Variants in STK11IP observed in about 807,000 individuals in gnomAD.
STK11IP encodes the protein serine/threonine-protein kinase 11-interacting protein.
STK11IP carries 103 observed loss-of-function variants against 131.7 expected under a neutral mutation model. That is an observed-to-expected ratio of 0.78 (90% CI 0.67 to 0.92). STK11IP has a LOEUF of 0.92. STK11IP is among the 40% of genes least tolerant of loss of function. The pLI is 0.00. For synonymous variants in STK11IP, 557 were observed against 575.6 expected (o/e 0.97, Z 0.46); for missense variants, 1,315 against 1,385.7 (o/e 0.95, Z 0.81).
rs571261282 is a variant in STK11IP, at chr2:219,604,907, G to A, written c.619-701G>A. 4.9e-3 allele frequency among the ~76,000 whole-genome samples: 741 copies of A among 151,940 alleles called. 4 individuals carry two copies. The highest frequency in any genetic ancestry group is 8.3e-3 in the Non-Finnish European group (561 of 67,974). Reference sequence around the variant, plus strand: ...TGCAATGGCACGATCTTGGCTCACCGTAACCTCTGCCTCCCGGGTTCAAGC... The same window carrying A: ...TGCAATGGCACGATCTTGGCTCACCATAACCTCTGCCTCCCGGGTTCAAGC... On this transcript the variant is annotated intron_variant, in intron 7 of 24. Transcript: ENST00000456909.
At chr2:219,610,046 A>G (rs1473507276) in intron 17 of STK11IP, 1 of 165,292 alleles carries the variant, frequency 6.0e-6, no homozygotes, top group Non-Finnish European at 1.3e-5. Context: ...AGTCCTTAAA[A>G]CAAGAATTGT....
chr2:219,605,772 A>G lies in STK11IP; in HGVS notation c.745+38A>G, dbSNP rs1465519325. 3 of 1,586,418 alleles carry G rather than the reference A, an allele frequency of 1.9e-6. No homozygotes were observed. The South Asian group carries it at 3.4e-5, about 18-fold the overall frequency. ...GTGTGATGGGGCAAGCATGGAGGGG[A>G]AGGGGGAGAGTGAGGCTGGGGCTGG... On this transcript the variant is annotated intron_variant, in intron 8 of 24. Coordinates refer to ENST00000456909, the MANE Select transcript of STK11IP (RefSeq NM_052902.4).
intron 16 of STK11IP, 42 bp from the exon 17 acceptor site, chr2:219,609,321 G>C (rs577658833): frequency 1.9e-6 from 3 of 1,604,576 alleles, no homozygotes; most frequent in Non-Finnish European, 2.6e-6. Context: ...GTCCGTCTGG[G>C]GTCCGCCTGC....
intron 12 of STK11IP, 52 bp from the exon 13 acceptor site, chr2:219,607,001 G>T: frequency 6.2e-7 from 1 of 1,608,118 alleles, no homozygotes; most frequent in Non-Finnish European, 8.5e-7. Context: ...GCCGTGGATG[G>T]CAGGGCTGGA....
intron 13 of STK11IP, among the ~76,000 whole-genome samples, chr2:219,607,816 T>C (rs1011047461): frequency 6.6e-6 from 1 of 152,196 alleles, no homozygotes; most frequent in African/African-American, 2.4e-5. Flanking sequence ...TGCTATCATG[T>C]ATGCTGAGTC....
At position 219,608,370 on chromosome 2, in the gene STK11IP, CAG is replaced by C. The variant is rs768050647; in HGVS notation, c.1544_1545del (p.Gln515ArgfsTer35). On this transcript the variant is annotated frameshift_variant, in exon 14 of 25. Coordinates refer to ENST00000456909, the MANE Select transcript of STK11IP (RefSeq NM_052902.4). LOFTEE classifies it high-confidence loss of function. ...EEKEEGEMVE[Q>X]GEEEAGEEEE... is the part of the protein sequence containing the mutation. ...GAAGGAGGAGGGGGAGATGGTGGAACAGGGAGAAGAGGAGGCAGGAGAGGAGG... is the reference window on the plus strand; with the variant it reads ...GAAGGAGGAGGGGGAGATGGTGGAACGGAGAAGAGGAGGCAGGAGAGGAGG... The C allele has an allele frequency of 5.1e-6, 8 of 1,580,714 alleles. No homozygotes were observed. Among genetic ancestry groups the C allele is most frequent in the Non-Finnish European group, 8.6e-7 (1 of 1,163,640 alleles).
chr2:219,615,344 G>A lies in STK11IP; in HGVS notation c.3117+3G>A. On this transcript the variant is annotated splice_donor_region_variant and intron_variant, in intron 24 of 24. Transcript: ENST00000456909. The stretch of plus-strand genomic sequence containing the variant: ...TGCGGCTGCTCTTCTACGATGAGGT[G>A]TGTATGTGTATCTCCAGTGAGAGGG... The A allele has an allele frequency of 1.3e-6, 2 of 1,594,672 alleles. No individual in the cohort carries two copies. Among genetic ancestry groups the A allele is most frequent in the Non-Finnish European group, 1.7e-6 (2 of 1,174,366 alleles).
intron 7 of STK11IP, 31 bp downstream of exon 7, chr2:219,602,807 C>G: frequency 1.3e-6 from 2 of 1,589,700 alleles, no homozygotes; most frequent in Non-Finnish European, 1.7e-6. Flanking sequence ...AGCTGGCACA[C>G]CATGGGTCTT....
intron 21 of STK11IP, 85 bp downstream of exon 21, chr2:219,614,015 G>GC: frequency 6.7e-7 from 1 of 1,501,318 alleles, no homozygotes; most frequent in South Asian, 1.3e-5. Flanking sequence ...GTACCCAGTA[G>GC]CGGAGACAGA....
In STK11IP at chr2:219,601,450, G is replaced by A; in HGVS notation, c.267+10G>A. 6.2e-7 allele frequency: 1 copy of A among 1,613,852 alleles called. No homozygotes were observed. The highest frequency in any genetic ancestry group is 8.5e-7 in the Non-Finnish European group (1 of 1,179,794). On this transcript the variant is annotated intron_variant, in intron 3 of 24. Coordinates refer to ENST00000456909, the MANE Select transcript of STK11IP (RefSeq NM_052902.4). ...AACACTTTCACTCAAGGTTCTGGGT[G>A]TGGGGAAGAGGCAGGATGTGCAAGG...
Position 219,609,560 on chromosome 2 carries a change from C to G in STK11IP, c.2104+20C>G. ...AGACAGGTACAAGTCCTGCCCTTGA[C>G]CTCTCTGCCCACACGCCTCCCCTGT... On this transcript the variant is annotated intron_variant, in intron 17 of 24. Coordinates refer to ENST00000456909, the MANE Select transcript of STK11IP (RefSeq NM_052902.4). The G allele has an allele frequency of 6.4e-7, 1 of 1,552,872 alleles. No individual in the cohort carries two copies. Among genetic ancestry groups the G allele is most frequent in the African/African-American group, 1.4e-5 (1 of 73,318 alleles).
chr2:219,615,697 C>T (rs1366128634), intron 24 of STK11IP: 4 of 639,848 alleles, frequency 6.3e-6, no homozygotes, highest in Non-Finnish European at 1.2e-5. Flanking sequence ...GTTACTGGTC[C>T]TATTTACAGG....
rs748662040 is a variant in STK11IP, at chr2:219,602,693, C to G, written c.547-12C>G. 1 of 1,613,544 alleles carries G rather than the reference C, an allele frequency of 6.2e-7. No individual in the cohort carries two copies. The highest frequency in any genetic ancestry group is 2.2e-5 in the East Asian group (1 of 44,884). On this transcript the variant is annotated splice_polypyrimidine_tract_variant and intron_variant, in intron 6 of 24. Transcript: ENST00000456909. ...GAACATCGATTCTCTGCCTCCTCCCCGTCTCTCTCAGCGCCTCTTGTCAGC... is the reference window on the plus strand; with the variant it reads ...GAACATCGATTCTCTGCCTCCTCCCGGTCTCTCTCAGCGCCTCTTGTCAGC...
chr2:219,609,727 A>G (rs1057481110), intron 17 of STK11IP, 187 bp downstream of exon 17: 3 of 658,570 alleles, frequency 4.6e-6, no homozygotes, highest in Non-Finnish European at 5.0e-6. Context: ...ACAGAAAAAA[A>G]GAAGAAACTA....
At chr2:219,600,056 TTTG>T in intron 2 of STK11IP, among the ~76,000 whole-genome samples, 2 of 139,788 alleles carry the variant, frequency 1.4e-5, no homozygotes, top group African/African-American at 5.9e-5. Context: ...TTTTTTTGTT[TTTG>T]TTTTTTTTTT....
chr2:219,598,529 G>C (rs548612422), intron 2 of STK11IP: 5 of 208,826 alleles, frequency 2.4e-5, no homozygotes, highest in African/African-American at 9.1e-5. Flanking sequence ...ACAGTAGATA[G>C]AAGCACGAGA....
At position 219,615,115 on chromosome 2, in the gene STK11IP, C is replaced by T; in HGVS notation, c.2891C>T (p.Ser964Phe). Residue 964 changes from serine to phenylalanine, a missense_variant, in exon 24 of 25, where the codon TCC becomes TTC. Physicochemically the swap from Ser to Phe is radical, Grantham distance 155. Transcript: ENST00000456909. ...GCAGGCCCTTCCACCTGCCTCGTAT[C>T]CCTGTTGCTGACTCCGTCCACCCTG... Reference protein sequence around the residue: ...LVEGPSTCLVSLLLTPSTLFL... With the variant: ...LVEGPSTCLVFLLLTPSTLFL... The T allele has an allele frequency of 6.2e-7, 1 of 1,609,760 alleles. No individual in the cohort carries two copies. The highest frequency in any genetic ancestry group is 2.2e-5 in the East Asian group (1 of 44,846).
rs760126907 is a variant in STK11IP, at chr2:219,614,466, T to C, written c.2799-10T>C. On this transcript the variant is annotated splice_polypyrimidine_tract_variant and intron_variant, in intron 22 of 24. Transcript: ENST00000456909. Reference sequence around the variant, plus strand: ...AGCTGATCTTCCTGTGCCTGCCATATTCCCTCTAGGCCATTGCTGGAAAAA... The same window carrying C: ...AGCTGATCTTCCTGTGCCTGCCATACTCCCTCTAGGCCATTGCTGGAAAAA... 5 of 1,613,584 alleles carry C rather than the reference T, an allele frequency of 3.1e-6. No homozygotes were observed. In the South Asian group the frequency reaches 4.4e-5, roughly 14 times the overall value.
At chr2:219,600,726 G>C (rs1697958142) in intron 2 of STK11IP, among the ~76,000 whole-genome samples, 1 of 152,184 alleles carries the variant, frequency 6.6e-6, no homozygotes, top group African/African-American at 2.4e-5. Flanking sequence ...AGTATTGTTT[G>C]AAAGTTTCTA....
Sources: gnomAD v4.1 joint callset for allele counts (sites outside exome capture counted in the v4.1 genomes callset) on GRCh38, gnomAD v4.1.1 for gene constraint, MANE v1.5 for transcripts, NCBI Gene and HGNC (gene_info 2026-07-23, HGNC 2026-07-21) for gene names.